Variants in ACACB observed in about 807,000 individuals in gnomAD.
ACACB encodes acetyl-CoA carboxylase 2.
In ACACB, 209 loss-of-function variants were observed where a neutral mutation model predicts 278.8. The observed-to-expected ratio is 0.75, with a 90% CI of 0.67 to 0.84. The LOEUF is 0.84. Ranked by LOEUF, ACACB falls within the 40% of genes least tolerant of loss-of-function variation. ACACB has a pLI of 0.00. For synonymous variants in ACACB, 1,174 were observed against 1,285.6 expected (o/e 0.91, Z 1.86); for missense variants, 2,850 against 3,269.0 (o/e 0.87, Z 3.13).
chr12:109,216,145 G>T (rs2045988410), intron 22 of ACACB, among the ~76,000 whole-genome samples: 1 of 149,968 alleles, frequency 6.7e-6, no homozygotes, highest in Admixed American at 6.7e-5. Context: ...TGGCTATATT[G>T]CCCAGGCTTG....
At chr12:109,215,560 G>A (rs2045969633) in intron 22 of ACACB, among the ~76,000 whole-genome samples, 1 of 152,060 alleles carries the variant, frequency 6.6e-6, no homozygotes, top group African/African-American at 2.4e-5. Context: ...TCAGGAGATC[G>A]AGACCATCCT....
chr12:109,174,150 T>C lies in ACACB; in HGVS notation c.1136T>C (p.Met379Thr). Residue 379 changes from methionine to threonine, a missense_variant, in exon 7 of 53, where the codon ATG (methionine) becomes ACG (threonine). Met to Thr is a moderately conservative substitution (Grantham distance 81, BLOSUM62 -1). Transcript: ENST00000338432. The stretch of plus-strand genomic sequence containing the variant: ...TCCTCAGGCCCTCCCAGTGAGGCCA[T>C]GTGGGCCTTAGGAGATAAGATCGCC... ...VAFLGPPSEAMWALGDKIAST... is the reference protein window; with the variant it reads ...VAFLGPPSEATWALGDKIAST... The C allele has an allele frequency of 1.2e-6, 2 of 1,612,264 alleles. No homozygotes were observed. The highest frequency in any genetic ancestry group is 1.1e-5 in the South Asian group (1 of 90,490).
chr12:109,115,177 T>G (rs2042379448), upstream of ACACB, among the ~76,000 whole-genome samples: 1 of 152,202 alleles, frequency 6.6e-6, no homozygotes, highest in African/African-American at 2.4e-5. Flanking sequence ...AAACTCAATA[T>G]AAATCATTTC....
At chr12:109,184,519 A>G (rs1213650077) in intron 11 of ACACB, among the ~76,000 whole-genome samples, 1 of 152,182 alleles carries the variant, frequency 6.6e-6, no homozygotes, top group Non-Finnish European at 1.5e-5. Context: ...TATCTAATAT[A>G]TACCATTCAC....
intron 41 of ACACB, 70 bp downstream of exon 41, chr12:109,250,174 TAGAG>T: frequency 1.4e-6 from 2 of 1,452,976 alleles, no homozygotes; most frequent in South Asian, 1.4e-5. Flanking sequence ...GTCACAAAAT[TAGAG>T]AGAATCAATA....
chr12:109,122,240 C>G (rs897828308), intron 1 of ACACB, among the ~76,000 whole-genome samples: 2 of 152,130 alleles, frequency 1.3e-5, no homozygotes, highest in Non-Finnish European at 2.9e-5. Flanking sequence ...CTTCTCGAAC[C>G]CAGAACTTCC....
intron 1 of ACACB, among the ~76,000 whole-genome samples, chr12:109,130,373 G>A (rs981713134): frequency 1.3e-5 from 2 of 152,216 alleles, no homozygotes; most frequent in African/African-American, 4.8e-5. Flanking sequence ...GAACCGACAT[G>A]TGAACCCAGG....
chr12:109,157,165 C>G (rs948498292), intron 2 of ACACB, among the ~76,000 whole-genome samples: 1 of 152,142 alleles, frequency 6.6e-6, no homozygotes, highest in Non-Finnish European at 1.5e-5. Context: ...GACGATCTAA[C>G]TTTGCCACCA....
intron 2 of ACACB, 78 bp from the exon 3 acceptor site, chr12:109,166,783 A>G (rs1185295227): frequency 6.3e-6 from 10 of 1,581,592 alleles, no homozygotes; most frequent in African/African-American, 1.4e-5. Context: ...CCTCTGCTCC[A>G]CTGGCTTTAC....
intron 41 of ACACB, 131 bp downstream of exon 41, chr12:109,250,235 C>T: frequency 1.0e-6 from 1 of 973,664 alleles, no homozygotes; most frequent in Non-Finnish European, 1.4e-6. Context: ...TACCACATGC[C>T]AGCCCACTGA....
intron 2 of ACACB, among the ~76,000 whole-genome samples, chr12:109,144,897 G>A (rs2043205457): frequency 6.6e-6 from 1 of 151,566 alleles, no homozygotes; most frequent in African/African-American, 2.4e-5. Flanking sequence ...GAGTATCTGG[G>A]ACTACAGGCA....
intron 18 of ACACB, among the ~76,000 whole-genome samples, chr12:109,200,149 T>G (rs2045287100): frequency 6.6e-6 from 1 of 152,052 alleles, no homozygotes; most frequent in South Asian, 2.1e-4. Context: ...TTTACATAAC[T>G]GTTCTATAAA....
chr12:109,237,122 T>C (rs369583624), intron 33 of ACACB, 43 bp from the exon 34 acceptor site: 2 of 1,601,692 alleles, frequency 1.2e-6, no homozygotes, highest in Non-Finnish European at 1.7e-6. Flanking sequence ...AACGTCACGC[T>C]GTGTGTGTAT....
At chr12:109,188,438 C>A in intron 13 of ACACB, among the ~76,000 whole-genome samples, 1 of 145,214 alleles carries the variant, frequency 6.9e-6, no homozygotes, top group Non-Finnish European at 1.5e-5. Context: ...TCCTCCTCCC[C>A]TTCCCTTCTT....
chr12:109,120,533 G>A (rs2042520287), intron 1 of ACACB, among the ~76,000 whole-genome samples: 1 of 152,172 alleles, frequency 6.6e-6, no homozygotes, highest in Admixed American at 6.5e-5. Flanking sequence ...GGCAAGGGGT[G>A]TGTGTGTGCA....
upstream of ACACB, chr12:109,116,561 A>G (rs758163114): frequency 6.6e-6 from 1 of 152,176 alleles, no homozygotes; most frequent in Non-Finnish European, 1.5e-5. Context: ...GGGCTGATTA[A>G]TCTAAAAGTG....
rs778605951 is a variant in ACACB, at chr12:109,191,627, C to G, written c.2159C>G (p.Ala720Gly). Residue 720 changes from alanine to glycine, a missense_variant, in exon 14 of 53, where the codon GCT becomes GGT. Coordinates refer to ENST00000338432, the MANE Select transcript of ACACB (RefSeq NM_001093.4). ...TTCCCTTCAAGGAACATGGTGGTGG[C>G]TTTGAAGGAACTGTCCATCCGAGGC... ...REEAISNMVV[A>G]LKELSIRGDF... 1.4e-5 allele frequency: 23 copies of G among 1,614,010 alleles called. No homozygotes were observed. The highest frequency in any genetic ancestry group is 2.7e-5 in the African/African-American group (2 of 74,916).
At position 109,237,354 on chromosome 12, in the gene ACACB, A is replaced by G; in HGVS notation, c.4636A>G (p.Ile1546Val). 1 of 1,614,160 alleles carries G rather than the reference A, an allele frequency of 6.2e-7. No homozygotes were observed. ...CCATAGGTTCTTCATCCGCGCCATC[A>G]TCAGGCACTCTGACCTGATCACAAA... The part of the protein sequence containing the change: ...TDHRFFIRAI[I>V]RHSDLITKEA... Residue 1546 changes from isoleucine to valine, a missense_variant, in exon 34 of 53, where the codon ATC (isoleucine) becomes GTC (valine). By Grantham distance (29) the Ile-to-Val change is conservative (BLOSUM62 3). This residue lies in a region of ACACB where 2,265 missense variants were observed against 2,561.3 expected (regional missense o/e 0.88). Transcript: ENST00000338432.
intron 6 of ACACB, 89 bp downstream of exon 6, chr12:109,172,445 A>G: frequency 8.1e-7 from 1 of 1,240,024 alleles, no homozygotes; most frequent in Non-Finnish European, 1.2e-6. Context: ...CCTGTCCTGT[A>G]AAGCGGAGGT....
Sources: gnomAD v4.1 joint callset for allele counts (sites outside exome capture counted in the v4.1 genomes callset) on GRCh38, gnomAD v4.1.1 for gene constraint, gnomAD v4.1.1 regional missense constraint, MANE v1.5 for transcripts, NCBI Gene and HGNC (gene_info 2026-07-23, HGNC 2026-07-21) for gene names.